Variants in ARHGEF4 observed in about 807,000 individuals in gnomAD.
The protein encoded by ARHGEF4 is Rho guanine nucleotide exchange factor 4.
ARHGEF4 carries 119 observed loss-of-function variants against 162.0 expected under a neutral mutation model. That is an observed-to-expected ratio of 0.73 (90% confidence interval 0.63 to 0.86). The LOEUF (loss-of-function observed/expected upper bound fraction) is 0.86, where lower values mean the gene tolerates loss of function less well. Ranked by LOEUF, ARHGEF4 falls within the 40% of genes least tolerant of loss-of-function variation. The pLI is 0.00. For synonymous variants in ARHGEF4, 1,014 were observed against 979.9 expected, an observed-to-expected ratio of 1.03 and a Z score of -0.65; for missense variants, 2,488 against 2,456.0, an observed-to-expected ratio of 1.01 and a Z score of -0.28.
intron 1 of ARHGEF4, among the ~76,000 whole-genome samples, chr2:130,880,189 G>A (rs890015468): frequency 6.6e-6 from 1 of 152,198 alleles, no homozygotes; most frequent in Non-Finnish European, 1.5e-5. Context: ...TTGGGTCCAG[G>A]CGGGCTGATC....
intron 1 of ARHGEF4, among the ~76,000 whole-genome samples, chr2:130,900,174 A>T (rs1272825060): frequency 1.3e-5 from 2 of 151,880 alleles, no homozygotes; most frequent in African/African-American, 2.4e-5. Context: ...CATGGACATT[A>T]AAAAAAATGT....
rs973160632 is a variant in ARHGEF4 at position 130,897,477 on chromosome 2, C to G, written c.40-16509C>G. On this transcript the variant is annotated intron_variant, in intron 1 of 13. Transcript: ENST00000409359. ...CCCTATCAACACCAAGGACTGGCTT[C>G]CGGGGGTAATGTGGGGCCTGGCGGG... Among the ~76,000 whole-genome samples, 3 of 138,312 alleles carry G rather than the reference C, an allele frequency of 2.2e-5. No individual in the cohort carries two copies. The East Asian group carries it at 6.2e-4, about 28-fold the overall frequency. The allele number at this position is 138,312 out of a possible 152,430, so 90.7% of individuals were successfully genotyped here.
intron 4 of ARHGEF4, among the ~76,000 whole-genome samples, chr2:130,948,659 C>A (rs12691843): frequency 0.38 from 57,973 of 152,242 alleles, 13,413 homozygotes; most frequent in African/African-American, 0.66. Flanking sequence ...AGCATGTATG[C>A]ATACCAAGGG....
At chr2:130,975,373 C>T (rs1685637273) in intron 4 of ARHGEF4, among the ~76,000 whole-genome samples, 5 of 152,136 alleles carry the variant, frequency 3.3e-5, no homozygotes, top group Non-Finnish European at 7.4e-5. Context: ...TCTTCAGATG[C>T]AAACCACCAG....
chr2:130,990,680 A>C (rs1686886913), intron 4 of ARHGEF4, among the ~76,000 whole-genome samples: 1 of 152,158 alleles, frequency 6.6e-6, no homozygotes, highest in Non-Finnish European at 1.5e-5. Context: ...ATGGAGATTC[A>C]GCCTGGGAAA....
intron 2 of ARHGEF4, among the ~76,000 whole-genome samples, chr2:130,928,132 A>C (rs34278111): frequency 0.082 from 12,532 of 152,244 alleles, 569 homozygotes; most frequent in Non-Finnish European, 0.11. Context: ...ATTTCAGAGT[A>C]AGACACCAAA....
At chr2:130,908,892 C>G (rs1344447417) in intron 1 of ARHGEF4, among the ~76,000 whole-genome samples, 2 of 152,058 alleles carry the variant, frequency 1.3e-5, no homozygotes, top group Non-Finnish European at 2.9e-5. Context: ...AGACACGTCA[C>G]CAGAAAAGAT....
chr2:131,046,106 C>T lies in ARHGEF4; in HGVS notation c.5548C>T (p.Gln1850Ter). ...PALPSNRPQQ[Q>*]VLVLAEPRRK... The stretch of plus-strand genomic sequence containing the variant: ...CCTGCCCAGCAACCGGCCCCAGCAG[C>T]AGGTCCTGGTGCTGGCGGAGCCCAG... Residue 1850 changes from glutamine to a stop codon, truncating the protein, a stop_gained, in exon 14 of 14, where the codon CAG becomes TAG. Coordinates refer to ENST00000409359, the MANE Select transcript of ARHGEF4 (RefSeq NM_001367493.1). LOFTEE classifies it high-confidence loss of function. 2 of 1,613,010 alleles carry T rather than the reference C, an allele frequency of 1.2e-6. No homozygotes were observed. Among genetic ancestry groups the T allele is most frequent in the Non-Finnish European group, 1.7e-6 (2 of 1,179,922 alleles).
At chr2:130,917,659 C>A (rs1328909642) in intron 2 of ARHGEF4, among the ~76,000 whole-genome samples, 161 bp downstream of exon 2, 1 of 152,020 alleles carries the variant, frequency 6.6e-6, no homozygotes, top group African/African-American at 2.4e-5. Context: ...GTGAACACAG[C>A]GGGTGACCAA....
intron 1 of ARHGEF4, among the ~76,000 whole-genome samples, chr2:130,849,196 C>T (rs77916866): frequency 0.014 from 2,061 of 152,306 alleles, 52 homozygotes; most frequent in African/African-American, 0.047. Flanking sequence ...GCCCACCTCC[C>T]GGAGCTCCCC....
chr2:131,041,739 C>T, intron 9 of ARHGEF4, 76 bp from the exon 10 acceptor site: 12 of 1,554,372 alleles, frequency 7.7e-6, no homozygotes, highest in East Asian at 4.5e-5. Context: ...CAGCTCCACA[C>T]GTGGGGGCTG....
At chr2:131,009,569 A>G (rs1688325947) in intron 4 of ARHGEF4, among the ~76,000 whole-genome samples, 1 of 152,018 alleles carries the variant, frequency 6.6e-6, no homozygotes, top group Admixed American at 6.6e-5. Flanking sequence ...TTCAAATTGG[A>G]TCATTTCTAT....
intron 4 of ARHGEF4, among the ~76,000 whole-genome samples, chr2:131,017,835 G>A (rs564724736): frequency 3.9e-5 from 6 of 152,206 alleles, no homozygotes; most frequent in Admixed American, 3.9e-4. Context: ...TGGATGGGAG[G>A]GCTCAACAGA....
rs1574218987 is a variant in ARHGEF4, at chr2:130,914,347, C to T, written c.401C>T (p.Ser134Phe). Residue 134 changes from serine (S) to phenylalanine (F), a missense_variant, in exon 2 of 14, where the codon TCC becomes TTC. Around this residue, in one of 6 missense-constraint regions of ARHGEF4, gnomAD observed 171 missense variants for 169.4 expected, o/e 1.01. Coordinates refer to ENST00000409359, the MANE Select transcript of ARHGEF4 (RefSeq NM_001367493.1). Reference protein sequence around the residue: ...GLHAKEELDLSPSLEDDSCKN... With the variant: ...GLHAKEELDLFPSLEDDSCKN... ...CATGCAAAGGAAGAACTCGATTTGT[C>T]CCCTAGCTTAGAGGATGACTCTTGC... 6.8e-7 allele frequency: 1 copy of T among 1,463,334 alleles called. No homozygotes were observed. Among genetic ancestry groups the T allele is most frequent in the Non-Finnish European group, 9.0e-7 (1 of 1,112,834 alleles). 90.6% of individuals were successfully genotyped at this position (1,463,334 alleles called of 1,614,324 possible).
chr2:130,980,163 G>A (rs760927950), intron 4 of ARHGEF4, among the ~76,000 whole-genome samples: 47 of 152,132 alleles, frequency 3.1e-4, no homozygotes, highest in Non-Finnish European at 5.6e-4. Flanking sequence ...TTGGGATGCC[G>A]AGGCAGGTGG....
intron 1 of ARHGEF4, among the ~76,000 whole-genome samples, chr2:130,875,471 C>G (rs1028001792): frequency 6.6e-6 from 1 of 152,156 alleles, no homozygotes; most frequent in African/African-American, 2.4e-5. Flanking sequence ...CAGATGAGAG[C>G]CCCTTTCTGC....
At position 131,030,498 on chromosome 2, in the gene ARHGEF4, G is replaced by A. The variant is rs144237963; in HGVS notation, c.4125+2414G>A. On this transcript the variant is annotated intron_variant, in intron 5 of 13. Coordinates refer to ENST00000409359, the MANE Select transcript of ARHGEF4 (RefSeq NM_001367493.1). ...TGCTTTGCCTTAACGTTTAGGGCGC[G>A]TGTCCCCAGGGAGAAGGACACACAC... Among the ~76,000 whole-genome samples the A allele has an allele frequency of 1.5e-3, 229 of 152,320 alleles. 1 individual carries two copies. The highest frequency in any genetic ancestry group is 2.7e-3 in the Non-Finnish European group (181 of 68,026).
intron 4 of ARHGEF4, among the ~76,000 whole-genome samples, chr2:130,947,600 T>C (rs1301842194): frequency 1.3e-5 from 2 of 152,196 alleles, no homozygotes; most frequent in East Asian, 3.8e-4. Flanking sequence ...TTGAGTTTTA[T>C]GGCAGCCTGT....
chr2:131,041,988 C>G, intron 10 of ARHGEF4, 44 bp downstream of exon 10: 1 of 1,592,510 alleles, frequency 6.3e-7, no homozygotes, highest in Non-Finnish European at 8.6e-7. Context: ...GTCTTGGCCC[C>G]TCGCTTTAAA....
Sources: allele counts gnomAD v4.1 joint callset (sites outside exome capture counted in the v4.1 genomes callset), GRCh38; gene constraint gnomAD v4.1.1; regional missense constraint gnomAD v4.1.1; transcripts MANE v1.5; gene names NCBI Gene and HGNC (gene_info 2026-07-23, HGNC 2026-07-21).